The following CDKAL1 variants were observed in gnomAD, a reference collection of about 807,000 sequenced individuals.
CDKAL1 encodes the protein threonylcarbamoyladenosine tRNA methylthiotransferase.
In CDKAL1, 32 loss-of-function variants were observed where a neutral mutation model predicts 68.2. The observed-to-expected ratio is 0.47, with a 90% CI of 0.35 to 0.63. CDKAL1 has a LOEUF of 0.63. Among genes scored for constraint, CDKAL1 ranks in the 30% least tolerant of loss-of-function variants. The probability of loss-of-function intolerance (pLI) is 0.00; values close to 1 mark genes in which losing one functional copy is unlikely to be tolerated. For missense variants in CDKAL1, 606 were observed against 696.7 expected (o/e 0.87, Z 1.47); for synonymous variants, 234 against 244.3 (o/e 0.96, Z 0.39).
At chr6:20,811,936 A>G (rs1188051073) in intron 8 of CDKAL1, among the ~76,000 whole-genome samples, 1 of 152,212 alleles carries the variant, frequency 6.6e-6, no homozygotes, top group Non-Finnish European at 1.5e-5. Context: ...CTTTACAAAT[A>G]TAAAAGCCAT....
chr6:20,950,396 T>G (rs958644733), intron 9 of CDKAL1, among the ~76,000 whole-genome samples: 8 of 152,128 alleles, frequency 5.3e-5, no homozygotes, highest in Non-Finnish European at 7.4e-5. Context: ...AGTGCTGAGA[T>G]TACAGGCGTG....
intron 5 of CDKAL1, among the ~76,000 whole-genome samples, chr6:20,681,587 G>A (rs946824080): frequency 3.4e-4 from 51 of 151,998 alleles, no homozygotes; most frequent in African/African-American, 1.2e-3. Flanking sequence ...CTTGCCTTGG[G>A]TGACATAACT....
At chr6:20,770,606 A>T (rs1333418660) in intron 7 of CDKAL1, among the ~76,000 whole-genome samples, 1 of 152,204 alleles carries the variant, frequency 6.6e-6, no homozygotes, top group Non-Finnish European at 1.5e-5. Context: ...ATGTTTGATT[A>T]GTCTTTTGAC....
intron 12 of CDKAL1, among the ~76,000 whole-genome samples, chr6:21,074,103 G>A (rs533175088): frequency 1.3e-5 from 2 of 152,224 alleles, no homozygotes; most frequent in South Asian, 4.1e-4. Context: ...ACAAACTAGG[G>A]GGCTTCAAAC....
intron 4 of CDKAL1, among the ~76,000 whole-genome samples, chr6:20,633,461 C>T (rs1561983096): frequency 1.3e-5 from 2 of 152,132 alleles, no homozygotes; most frequent in Non-Finnish European, 2.9e-5. Context: ...GTTGTTTCTG[C>T]TTTTTGGCTA....
At chr6:20,569,758 A>G (rs1764621199) in intron 4 of CDKAL1, among the ~76,000 whole-genome samples, 1 of 152,204 alleles carries the variant, frequency 6.6e-6, no homozygotes, top group African/African-American at 2.4e-5. Context: ...ACTTTTATAT[A>G]GTCTTTCAGA....
intron 9 of CDKAL1, among the ~76,000 whole-genome samples, chr6:20,909,132 T>C (rs1045677125): frequency 6.6e-6 from 1 of 152,158 alleles, no homozygotes; most frequent in Non-Finnish European, 1.5e-5. Flanking sequence ...TGTGTGTATG[T>C]GTGGTTTATG....
chr6:20,562,619 G>T (rs907935579), intron 4 of CDKAL1, among the ~76,000 whole-genome samples: 1 of 151,938 alleles, frequency 6.6e-6, no homozygotes, highest in Non-Finnish European at 1.5e-5. Context: ...GTGGGCGCCT[G>T]TAATCCCAGC....
intron 4 of CDKAL1, among the ~76,000 whole-genome samples, chr6:20,614,680 A>T (rs1482722081): frequency 6.6e-6 from 1 of 152,222 alleles, no homozygotes. Flanking sequence ...TTTTTGCTGA[A>T]GAATTTTAAA....
intron 5 of CDKAL1, 140 bp from the exon 6 acceptor site, chr6:20,739,379 C>G (rs182358914): frequency 7.7e-5 from 42 of 543,878 alleles, no homozygotes; most frequent in Non-Finnish European, 1.3e-4. Flanking sequence ...ATTATGTGTT[C>G]TTTAACCAGT....
intron 13 of CDKAL1, among the ~76,000 whole-genome samples, chr6:21,188,259 T>C (rs1778094156): frequency 6.6e-6 from 1 of 152,248 alleles, no homozygotes; most frequent in African/African-American, 2.4e-5. Context: ...TATGGCAACA[T>C]AGCATTATGT....
intron 10 of CDKAL1, among the ~76,000 whole-genome samples, chr6:20,958,205 A>C (rs1764882131): frequency 6.6e-6 from 1 of 152,208 alleles, no homozygotes; most frequent in South Asian, 2.1e-4. Flanking sequence ...AAAGCCATCC[A>C]AAAGAAACAG....
At chr6:21,106,529 T>C (rs913062183) in intron 12 of CDKAL1, among the ~76,000 whole-genome samples, 1 of 152,184 alleles carries the variant, frequency 6.6e-6, no homozygotes, top group Non-Finnish European at 1.5e-5. Context: ...TGAGCGATGA[T>C]TGTGCCACTG....
intron 4 of CDKAL1, among the ~76,000 whole-genome samples, chr6:20,623,150 A>G (rs1215778603): frequency 6.6e-6 from 1 of 152,072 alleles, no homozygotes; most frequent in Non-Finnish European, 1.5e-5. Flanking sequence ...CTTCTCTTCA[A>G]ACAGATTGTT....
At chr6:20,609,276 C>CCTCCTTCTCCTTCTCCTTCTT (rs373576149) in intron 4 of CDKAL1, among the ~76,000 whole-genome samples, 1 of 131,664 alleles carries the variant, frequency 7.6e-6, no homozygotes, top group South Asian at 2.7e-4. Flanking sequence ...TCCTCCTTCT[C>CCTCCTTCTCCTTCTCCTTCTT]CTCCTTCTCC....
chr6:20,546,523 G>A lies in CDKAL1; in HGVS notation c.173G>A (p.Ser58Asn), dbSNP rs1323217289. The part of the protein sequence containing the change: ...QEEENSPPSD[S>N]TIPGIQKIWI... ...GAAGAAAACAGTCCACCAAGTGACA[G>A]GTAAGCTTTTTTCCTTGAAATTATA... Residue 58 changes from serine (S) to asparagine (N), a missense_variant and splice_region_variant, in exon 3 of 16, where the codon AGC becomes AAC. Physicochemically the swap from Ser to Asn is conservative, Grantham distance 46. Coordinates refer to ENST00000274695, the MANE Select transcript of CDKAL1 (RefSeq NM_017774.3). 6.2e-7 allele frequency: 1 copy of A among 1,611,064 alleles called. No homozygotes were observed. Among genetic ancestry groups the A allele is most frequent in the Non-Finnish European group, 8.5e-7 (1 of 1,178,856 alleles).
chr6:20,758,510 G>A (rs1283265209), intron 6 of CDKAL1, 85 bp from the exon 7 acceptor site: 7 of 1,099,188 alleles, frequency 6.4e-6, no homozygotes, highest in African/African-American at 4.7e-5. Context: ...TAGAAAATGT[G>A]TAACATTGAC....
At chr6:20,863,261 G>C (rs1759740728) in intron 9 of CDKAL1, among the ~76,000 whole-genome samples, 1 of 151,994 alleles carries the variant, frequency 6.6e-6, no homozygotes, top group Non-Finnish European at 1.5e-5. Context: ...TTTGGTCTCA[G>C]TTCTCTTCAG....
chr6:21,074,945 T>G (rs1434220953), intron 12 of CDKAL1, among the ~76,000 whole-genome samples: 2 of 148,490 alleles, frequency 1.3e-5, no homozygotes, highest in African/African-American at 4.9e-5. Context: ...TGTAGTGGTG[T>G]TTTTTTTTTA....
Sources: gnomAD v4.1 joint callset for allele counts (sites outside exome capture counted in the v4.1 genomes callset) on GRCh38, gnomAD v4.1.1 for gene constraint, MANE v1.5 for transcripts, NCBI Gene and HGNC (gene_info 2026-07-23, HGNC 2026-07-21) for gene names.